PPM1E: variants seen among roughly 807,000 people sequenced by gnomAD.
PPM1E encodes protein phosphatase, Mg2+/Mn2+ dependent 1E.
In PPM1E, 20 loss-of-function variants were observed where a neutral mutation model predicts 65.9. That is an observed-to-expected ratio of 0.30 (90% CI 0.21 to 0.44). The LOEUF (loss-of-function observed/expected upper bound fraction) is 0.44, where lower values mean the gene tolerates loss of function less well. Ranked by LOEUF, PPM1E falls within the 20% of genes least tolerant of loss-of-function variation. The probability of loss-of-function intolerance (pLI) is 1.00; values close to 1 mark genes in which losing one functional copy is unlikely to be tolerated. For missense variants in PPM1E, 713 were observed against 953.1 expected (o/e 0.75, Z 3.32); for synonymous variants, 352 against 374.9 (o/e 0.94, Z 0.70).
At chr17:58,949,015 T>C (rs1457483173) in intron 1 of PPM1E, among the ~76,000 whole-genome samples, 1 of 152,224 alleles carries the variant, frequency 6.6e-6, no homozygotes, top group Admixed American at 6.5e-5. Flanking sequence ...TGTAAATGTC[T>C]GTTAGAGCTA....
At chr17:58,787,511 A>G (rs569064492) in intron 1 of PPM1E, among the ~76,000 whole-genome samples, 7 of 152,056 alleles carry the variant, frequency 4.6e-5, no homozygotes, top group Non-Finnish European at 1.0e-4. Context: ...GGACCCATGG[A>G]CTAATCATTT....
At chr17:58,925,537 T>TGCA (rs1483315062) in intron 1 of PPM1E, among the ~76,000 whole-genome samples, 30 of 152,012 alleles carry the variant, frequency 2.0e-4, no homozygotes, top group African/African-American at 7.2e-4. Flanking sequence ...GCCTCCTGGG[T>TGCA]TCATGCCATT....
Position 58,980,288 on chromosome 17 carries a change from C to G in PPM1E, c.1525C>G (p.Gln509Glu). Reference protein sequence around the residue: ...EESDWTENSFQGGQEDGGDDK... With the variant: ...EESDWTENSFEGGQEDGGDDK... ...ATCAGATTGGACAGAGAACTCTTTT[C>G]AAGGAGGGCAAGAAGATGGTGGGGA... Residue 509 changes from glutamine (Q) to glutamate (E), a missense_variant, in exon 7 of 7, where the codon CAA becomes GAA. Gln to Glu is a conservative substitution (Grantham distance 29). Transcript: ENST00000308249. The surrounding 1 kb of genome is among the most constrained non-coding windows in gnomAD (Gnocchi z 4.7). 2.5e-6 allele frequency: 4 copies of G among 1,614,104 alleles called. No individual in the cohort carries two copies. Among genetic ancestry groups the G allele is most frequent in the Non-Finnish European group, 3.4e-6 (4 of 1,180,012 alleles).
At position 58,776,043 on chromosome 17, in the gene PPM1E, A is replaced by T. The variant is rs1385311909; in HGVS notation, c.464+19582A>T. Among the ~76,000 whole-genome samples, 16 of 151,856 alleles carry T rather than the reference A, an allele frequency of 1.1e-4. 1 individual carries two copies. The highest frequency in any genetic ancestry group is 1.0e-3 in the Admixed American group (16 of 15,240). On this transcript the variant is annotated intron_variant, in intron 1 of 6. Transcript: ENST00000308249. ...ATTTAACTTAAAAATAAATAAATAA[A>T]TAAAAAATAAAGGCCAGACATGGTG...
chr17:58,761,512 C>T (rs1325631913), intron 1 of PPM1E, among the ~76,000 whole-genome samples: 3 of 152,232 alleles, frequency 2.0e-5, no homozygotes, highest in Non-Finnish European at 4.4e-5. Context: ...AGAAACTACA[C>T]TTCAGCTATA....
intron 6 of PPM1E, among the ~76,000 whole-genome samples, chr17:58,975,095 C>G (rs1207472707): frequency 6.6e-6 from 1 of 152,112 alleles, no homozygotes; most frequent in East Asian, 1.9e-4. Flanking sequence ...CAAATGCTAC[C>G]CTTGACTGAA....
intron 1 of PPM1E, among the ~76,000 whole-genome samples, chr17:58,949,718 A>G (rs893196668): frequency 3.9e-5 from 6 of 152,112 alleles, no homozygotes; most frequent in Non-Finnish European, 8.8e-5. Context: ...ATAATTTCAC[A>G]TATCTTCATG....
intron 4 of PPM1E, among the ~76,000 whole-genome samples, chr17:58,970,601 G>A (rs1168931676): frequency 6.6e-6 from 1 of 152,008 alleles, no homozygotes; most frequent in Non-Finnish European, 1.5e-5. Flanking sequence ...GCAATAATGG[G>A]GCTTAGAATT....
intron 6 of PPM1E, among the ~76,000 whole-genome samples, chr17:58,978,059 A>G (rs1335606976): frequency 6.6e-6 from 1 of 152,202 alleles, no homozygotes; most frequent in Non-Finnish European, 1.5e-5. Flanking sequence ...AAGAGAACCT[A>G]TAACAGATAC....
At chr17:58,827,358 C>A (rs986408651) in intron 1 of PPM1E, among the ~76,000 whole-genome samples, 5 of 151,632 alleles carry the variant, frequency 3.3e-5, no homozygotes, top group Non-Finnish European at 5.9e-5. Context: ...GGGCTGGTCT[C>A]CTGACCTCTG....
In PPM1E at chr17:58,982,797, G is replaced by C; in HGVS notation, c.*1766G>C. 2.1e-6 allele frequency: 2 copies of C among 950,400 alleles called. No individual in the cohort carries two copies. Among genetic ancestry groups the C allele is most frequent in the African/African-American group, 3.3e-5 (2 of 60,028 alleles). 58.9% of individuals were successfully genotyped at this position (950,400 alleles called of 1,614,324 possible). A position where few individuals can be genotyped will look rare whatever the true frequency, so the allele number is the denominator to read the frequency against. On this transcript the variant is annotated 3_prime_UTR_variant, in exon 7 of 7. Transcript: ENST00000308249. Reference sequence around the variant, plus strand: ...AGGAGTCAACATGGCCCCAACTATAGTGCCGGAACCTTTTCATCATTCTGA... The same window carrying C: ...AGGAGTCAACATGGCCCCAACTATACTGCCGGAACCTTTTCATCATTCTGA...
chr17:58,878,792 C>G (rs560149308), intron 1 of PPM1E, among the ~76,000 whole-genome samples: 3 of 150,616 alleles, frequency 2.0e-5, no homozygotes, highest in African/African-American at 7.3e-5. Context: ...ATTAGCTGGG[C>G]GTGGTGGTGC....
At chr17:58,776,403 A>G (rs543437883) in intron 1 of PPM1E, among the ~76,000 whole-genome samples, 4 of 152,356 alleles carry the variant, frequency 2.6e-5, no homozygotes, top group African/African-American at 9.6e-5. Flanking sequence ...GTTAGAACAC[A>G]TAATGGATTC....
intron 1 of PPM1E, among the ~76,000 whole-genome samples, chr17:58,838,944 C>G (rs559728181): frequency 2.6e-5 from 4 of 152,004 alleles, no homozygotes; most frequent in Non-Finnish European, 5.9e-5. Context: ...TGTAACAATT[C>G]CAATTATATA....
chr17:58,859,181 TAC>T (rs1443721375), intron 1 of PPM1E, among the ~76,000 whole-genome samples: 1 of 152,170 alleles, frequency 6.6e-6, no homozygotes, highest in East Asian at 1.9e-4. Flanking sequence ...TTTGATTGGT[TAC>T]AGTTTGCTAC....
intron 1 of PPM1E, among the ~76,000 whole-genome samples, chr17:58,862,999 G>A (rs989024849): frequency 6.6e-5 from 10 of 152,204 alleles, no homozygotes; most frequent in African/African-American, 2.2e-4. Flanking sequence ...TACACTTAGA[G>A]CAGCCCTTTT....
chr17:58,955,727 T>C lies in PPM1E; in HGVS notation c.543T>C (p.His181=). The C allele has an allele frequency of 6.2e-7, 1 of 1,612,508 alleles. No homozygotes were observed. ...TCCTTCAGAGTGATCTTTCTGCACA[T>C]TATATCCCAAAGGAAACGGATGGCA... The part of the protein sequence containing the change: ...DEVLQSDLSA[H]YIPKETDGTE... The change falls in exon 2 of 7, where the codon CAT becomes CAC. Residue 181 remains histidine, a synonymous_variant. Coordinates refer to ENST00000308249, the MANE Select transcript of PPM1E (RefSeq NM_014906.5).
intron 1 of PPM1E, among the ~76,000 whole-genome samples, chr17:58,924,434 C>T (rs1225391681): frequency 6.6e-6 from 1 of 152,076 alleles, no homozygotes; most frequent in African/African-American, 2.4e-5. Context: ...GCCTGTAGCT[C>T]CAGCTGCTCA....
chr17:58,759,127 G>A (rs2049798182), intron 1 of PPM1E, among the ~76,000 whole-genome samples: 1 of 152,078 alleles, frequency 6.6e-6, no homozygotes, highest in Non-Finnish European at 1.5e-5. Flanking sequence ...CACTTAGCTG[G>A]GCATGGTGGT....
Sources: gnomAD v4.1 joint callset for allele counts (sites outside exome capture counted in the v4.1 genomes callset) on GRCh38, gnomAD v4.1.1 for gene constraint, Gnocchi (gnomAD v3.1) non-coding constraint, MANE v1.5 for transcripts, NCBI Gene and HGNC (gene_info 2026-07-23, HGNC 2026-07-21) for gene names.